The following FOXN2 variants were observed in gnomAD, a reference collection of about 807,000 sequenced individuals.
FOXN2 encodes forkhead box protein N2.
A neutral mutation model predicts 41.2 loss-of-function variants in FOXN2; 19 were observed. The ratio of observed to expected loss-of-function variants is 0.46; its 90% CI spans 0.32 to 0.68. The LOEUF (loss-of-function observed/expected upper bound fraction) is 0.68, where lower values mean the gene tolerates loss of function less well. FOXN2 is among the 30% of genes least tolerant of loss of function. FOXN2 has a pLI of 0.03. For synonymous variants in FOXN2, 195 were observed against 176.8 expected, an observed-to-expected ratio of 1.10 and a Z score of -0.82; for missense variants, 587 against 509.4, an observed-to-expected ratio of 1.15 and a Z score of -1.47.
chr2:48,364,141 T>G (rs1672376652), intron 5 of FOXN2, among the ~76,000 whole-genome samples: 1 of 152,232 alleles, frequency 6.6e-6, no homozygotes, highest in Admixed American at 6.5e-5. Context: ...AAGTATTATG[T>G]ATTTATTATA....
chr2:48,314,510 T>A (rs1010762286), upstream of FOXN2: 1 of 151,836 alleles, frequency 6.6e-6, no homozygotes, highest in Non-Finnish European at 1.5e-5. Context: ...CGGTAGGAGG[T>A]GGGCGGGAAC....
Position 48,346,602 on chromosome 2 carries a change from A to C in FOXN2, c.388A>C (p.Asn130His). Residue 130 changes from asparagine to histidine, a missense_variant, in exon 3 of 7, where the codon AAT becomes CAT. Asn to His is a moderately conservative substitution (Grantham distance 68, BLOSUM62 1). Coordinates refer to ENST00000340553, the MANE Select transcript of FOXN2 (RefSeq NM_002158.4). ...TTATATGGCCATTGAGCACTCTCCA[A>C]ATAAATGTTTGCCTGTCAAAGAAAT... ...LIYMAIEHSP[N>H]KCLPVKEIYS... is the part of the protein sequence containing the mutation. The C allele has an allele frequency of 6.2e-7, 1 of 1,614,152 alleles. No homozygotes were observed. Among genetic ancestry groups the C allele is most frequent in the African/African-American group, 1.3e-5 (1 of 75,036 alleles).
rs879366920 is a variant in FOXN2, at chr2:48,376,522, C to CAGA, written c.*1079_*1080insAGA. ...TTAATGCAATTTTACAGACACAATA[C>CAGA]CTTCATGAATTTCAAAATTCATATA... On this transcript the variant is annotated 3_prime_UTR_variant, in exon 7 of 7. Transcript: ENST00000340553. 2.0e-5 allele frequency: 3 copies of CAGA among 152,468 alleles called. No individual in the cohort carries two copies. The highest frequency in any genetic ancestry group is 2.0e-4 in the Admixed American group (3 of 15,276). The allele number at this position is 152,468 out of a possible 1,614,324, so 9.4% of individuals were successfully genotyped here.
chr2:48,355,045 A>T (rs948499785), intron 3 of FOXN2, among the ~76,000 whole-genome samples: 5 of 152,280 alleles, frequency 3.3e-5, no homozygotes, highest in Admixed American at 6.5e-5. Context: ...GATCTAGCAG[A>T]TCATATTCTG....
chr2:48,358,952 A>G (rs1197042962), intron 3 of FOXN2, 95 bp from the exon 4 acceptor site: 4 of 858,006 alleles, frequency 4.7e-6, no homozygotes, highest in Non-Finnish European at 7.3e-6. Context: ...AAAAGGTGCT[A>G]GAGATTATTT....
chr2:48,339,858 C>T (rs957712489), intron 2 of FOXN2, among the ~76,000 whole-genome samples: 2 of 151,964 alleles, frequency 1.3e-5, no homozygotes, highest in East Asian at 1.9e-4. Context: ...TTGTAATAGC[C>T]CCAAACATAA....
intron 3 of FOXN2, among the ~76,000 whole-genome samples, chr2:48,353,395 A>G (rs1671577656): frequency 6.6e-6 from 1 of 152,104 alleles, no homozygotes; most frequent in Non-Finnish European, 1.5e-5. Flanking sequence ...CCTCTCAAGC[A>G]TTTCCTGCTT....
At chr2:48,333,367 C>T (rs1274016522) in intron 2 of FOXN2, among the ~76,000 whole-genome samples, 2 of 151,984 alleles carry the variant, frequency 1.3e-5, no homozygotes, top group African/African-American at 2.4e-5. Context: ...TTCCTATATA[C>T]ATTTTATATA....
chr2:48,320,204 A>G (rs900108267), intron 1 of FOXN2, among the ~76,000 whole-genome samples: 3 of 152,286 alleles, frequency 2.0e-5, no homozygotes, highest in South Asian at 2.1e-4. Flanking sequence ...TGATTGAAGA[A>G]TTATTAATAA....
intron 2 of FOXN2, among the ~76,000 whole-genome samples, chr2:48,333,545 G>A (rs1437985731): frequency 1.3e-5 from 2 of 152,226 alleles, no homozygotes; most frequent in Middle Eastern, 3.4e-3. Flanking sequence ...GGGGAATCAC[G>A]AAGTTTATGC....
At chr2:48,368,350 C>A (rs1364495640) in intron 5 of FOXN2, among the ~76,000 whole-genome samples, 1 of 152,000 alleles carries the variant, frequency 6.6e-6, no homozygotes, top group African/African-American at 2.4e-5. Context: ...TCAAATGTGA[C>A]AATAAACAAA....
intron 3 of FOXN2, among the ~76,000 whole-genome samples, chr2:48,347,230 T>C (rs1671168547): frequency 7.1e-6 from 1 of 141,034 alleles, no homozygotes; most frequent in Admixed American, 7.0e-5. Context: ...CTTTTTTTTT[T>C]TTTTTTTTTT....
In FOXN2 at chr2:48,375,318, C is replaced by G. The variant is rs144245594; in HGVS notation, c.1171C>G (p.Gln391Glu). ...CAAAAAGATGCGAAAACAGACATGT[C>G]AAGAAATTGATGAGGAGCTCAAAGA... ...SGKKMRKQTC[Q>E]EIDEELKEAA... The change falls in exon 7 of 7, where the codon CAA (glutamine) becomes GAA (glutamate). Residue 391 changes from glutamine (Q) to glutamate (E), a missense_variant. Transcript: ENST00000340553. 1.2e-6 allele frequency: 2 copies of G among 1,613,634 alleles called. No homozygotes were observed. Among genetic ancestry groups the G allele is most frequent in the African/African-American group, 1.3e-5 (1 of 74,922 alleles).
At chr2:48,327,091 C>T (rs1054213009) in intron 1 of FOXN2, among the ~76,000 whole-genome samples, 4 of 151,994 alleles carry the variant, frequency 2.6e-5, no homozygotes, top group African/African-American at 9.7e-5. Flanking sequence ...ATCTCCAGAC[C>T]AGACCTCTTT....
At chr2:48,316,088 C>T (rs1439513346) in intron 1 of FOXN2, among the ~76,000 whole-genome samples, 2 of 151,984 alleles carry the variant, frequency 1.3e-5, no homozygotes, top group African/African-American at 4.8e-5. Context: ...TCTCTGGTAG[C>T]CAGGGGCTTT....
intron 3 of FOXN2, among the ~76,000 whole-genome samples, chr2:48,355,675 A>G (rs1271657796): frequency 6.6e-6 from 1 of 152,116 alleles, no homozygotes; most frequent in African/African-American, 2.4e-5. Context: ...GCATTTGGCA[A>G]CCTTGACAGC....
chr2:48,368,765 T>G (rs1258019698), intron 5 of FOXN2, among the ~76,000 whole-genome samples: 2 of 152,214 alleles, frequency 1.3e-5, no homozygotes, highest in South Asian at 2.1e-4. Flanking sequence ...CAGAGAATTT[T>G]TATTGCTTTT....
rs974632240 is a variant in FOXN2, at chr2:48,328,606, A to C, written c.-111A>C. The C allele has an allele frequency of 6.6e-6, 1 of 152,194 alleles. No individual in the cohort carries two copies. The highest frequency in any genetic ancestry group is 1.5e-5 in the Non-Finnish European group (1 of 68,030). 9.4% of individuals were successfully genotyped at this position (152,194 alleles called of 1,614,324 possible). ...CAGAACCCACAGATGCAGAGGGCTG[A>C]CTGTACAAGTCTGTCAAAAAACCAA... On this transcript the variant is annotated 5_prime_UTR_variant, in exon 2 of 7. Coordinates refer to ENST00000340553, the MANE Select transcript of FOXN2 (RefSeq NM_002158.4).
chr2:48,367,230 T>C (rs1672592200), intron 5 of FOXN2, among the ~76,000 whole-genome samples: 1 of 152,146 alleles, frequency 6.6e-6, no homozygotes, highest in South Asian at 2.1e-4. Flanking sequence ...TTTGGTTTGG[T>C]GTGTATTTAG....
Sources: gnomAD v4.1 joint callset for allele counts (sites outside exome capture counted in the v4.1 genomes callset) on GRCh38, gnomAD v4.1.1 for gene constraint, MANE v1.5 for transcripts, NCBI Gene and HGNC (gene_info 2026-07-23, HGNC 2026-07-21) for gene names.